Variants in BLK observed in about 807,000 individuals in gnomAD.
The protein encoded by BLK is tyrosine-protein kinase Blk.
A neutral mutation model predicts 61.8 loss-of-function variants in BLK; 64 were observed. The observed-to-expected ratio is 1.03, with a 90% CI of 0.85 to 1.27. The LOEUF (loss-of-function observed/expected upper bound fraction) is 1.27, where lower values mean the gene tolerates loss of function less well. Ranked by LOEUF, BLK falls within the 50% of genes most tolerant of loss-of-function variation. The pLI is 0.00. For missense variants in BLK, 853 were observed against 660.5 expected (o/e 1.29, Z -3.19); for synonymous variants, 351 against 272.0 (o/e 1.29, Z -2.86).
intron 1 of BLK, among the ~76,000 whole-genome samples, chr8:11,516,032 A>G (rs1042039871): frequency 6.6e-6 from 1 of 152,220 alleles, no homozygotes. Flanking sequence ...GCCCAGATGA[A>G]CTGATAAGCA....
intron 1 of BLK, among the ~76,000 whole-genome samples, chr8:11,520,476 C>CAAAAAAAAAAAAAAAAA (rs71203393): frequency 1.4e-5 from 1 of 69,682 alleles, no homozygotes; most frequent in Non-Finnish European, 2.8e-5. Flanking sequence ...GACCTTGTCT[C>CAAAAAAAAAAAAAAAAA]AAAAAAAAAA....
intron 1 of BLK, among the ~76,000 whole-genome samples, chr8:11,496,833 GC>G (rs1296703697): frequency 2.0e-5 from 3 of 152,190 alleles, no homozygotes; most frequent in Non-Finnish European, 4.4e-5. Flanking sequence ...GGGCTCGACA[GC>G]CCTTCCTCGA....
intron 2 of BLK, among the ~76,000 whole-genome samples, chr8:11,543,743 A>G (rs912493201): frequency 1.3e-5 from 2 of 152,178 alleles, no homozygotes; most frequent in Admixed American, 1.3e-4. Flanking sequence ...GATAAGCATC[A>G]TGAAACAGGA....
At chr8:11,560,051 T>C in intron 10 of BLK, 2 of 340,106 alleles carry the variant, frequency 5.9e-6, no homozygotes, top group Non-Finnish European at 1.1e-5. Flanking sequence ...GTACTCAGTT[T>C]TATATTCCCC....
intron 1 of BLK, among the ~76,000 whole-genome samples, chr8:11,508,036 C>G (rs574676745): frequency 1.0e-3 from 155 of 152,282 alleles, no homozygotes; most frequent in African/African-American, 3.5e-3. Context: ...GGGTGCTTCT[C>G]AAACCTAAAG....
Position 11,564,423 on chromosome 8 carries a change from C to G in BLK, c.*315C>G, listed in dbSNP as rs1319378060. On this transcript the variant is annotated 3_prime_UTR_variant, in exon 13 of 13. Coordinates refer to ENST00000259089, the MANE Select transcript of BLK (RefSeq NM_001715.3). ...TAAGCGACTGTCATCAAGTAAGGCC[C>G]CCGTGCTGGGCACCCCCCGTGCTGG... 1 of 598,518 alleles carries G rather than the reference C, an allele frequency of 1.7e-6. No individual in the cohort carries two copies. Among genetic ancestry groups the G allele is most frequent in the Non-Finnish European group, 3.1e-6 (1 of 317,796 alleles). 37.1% of individuals were successfully genotyped at this position (598,518 alleles called of 1,614,324 possible). A position where few individuals can be genotyped will look rare whatever the true frequency, so the allele number is the denominator to read the frequency against.
chr8:11,497,028 G>A (rs1798385611), intron 1 of BLK, among the ~76,000 whole-genome samples: 1 of 152,074 alleles, frequency 6.6e-6, no homozygotes, highest in Non-Finnish European at 1.5e-5. Flanking sequence ...GCAAGACAGA[G>A]AAACCTGGCC....
intron 12 of BLK, 41 bp downstream of exon 12, chr8:11,563,151 C>A: frequency 6.2e-7 from 1 of 1,612,624 alleles, no homozygotes; most frequent in Non-Finnish European, 8.5e-7. Flanking sequence ...CCTGCTTTCC[C>A]GGCCGGCCCT....
chr8:11,537,571 C>A (rs1800184371), intron 1 of BLK, among the ~76,000 whole-genome samples: 1 of 152,178 alleles, frequency 6.6e-6, no homozygotes, highest in Admixed American at 6.5e-5. Flanking sequence ...GCCACAGGTG[C>A]ACCTGTTTTG....
chr8:11,556,146 T>G, intron 8 of BLK: 1 of 225,322 alleles, frequency 4.4e-6, no homozygotes, highest in Non-Finnish European at 8.8e-6. Flanking sequence ...GAAAAGCAAG[T>G]AGAGTTGTCT....
At chr8:11,546,135 C>T in intron 3 of BLK, 32 bp downstream of exon 3, 1 of 1,612,462 alleles carries the variant, frequency 6.2e-7, no homozygotes, top group South Asian at 1.1e-5. Flanking sequence ...GCTGAGGCTC[C>T]ACAGCCCTCT....
At chr8:11,557,811 G>A (rs1465862136) in intron 9 of BLK, 151 bp from the exon 10 acceptor site, 3 of 686,284 alleles carry the variant, frequency 4.4e-6, no homozygotes, top group South Asian at 1.5e-5. Flanking sequence ...CTCGGCAGCA[G>A]TAGGTAGATC....
At chr8:11,523,367 A>T (rs1327931801) in intron 1 of BLK, among the ~76,000 whole-genome samples, 1 of 152,160 alleles carries the variant, frequency 6.6e-6, no homozygotes, top group Non-Finnish European at 1.5e-5. Flanking sequence ...CAGCATGGCG[A>T]ACATGGAGAT....
intron 1 of BLK, among the ~76,000 whole-genome samples, chr8:11,518,645 TCTC>T: frequency 1.3e-5 from 2 of 152,086 alleles, no homozygotes; most frequent in Middle Eastern, 6.8e-3. Context: ...CACCCCACAA[TCTC>T]CTCCACACAA....
At chr8:11,522,655 C>T (rs1288110282) in intron 1 of BLK, among the ~76,000 whole-genome samples, 1 of 147,346 alleles carries the variant, frequency 6.8e-6, no homozygotes, top group Non-Finnish European at 1.5e-5. Flanking sequence ...AGTTTATTCA[C>T]TTAATAGAAA....
intron 1 of BLK, among the ~76,000 whole-genome samples, chr8:11,500,318 C>T (rs1397175066): frequency 6.6e-6 from 1 of 151,996 alleles, no homozygotes; most frequent in Non-Finnish European, 1.5e-5. Context: ...CTCAGCCTCC[C>T]GAGTAGCTAG....
At chr8:11,505,808 G>A (rs148033446) in intron 1 of BLK, among the ~76,000 whole-genome samples, 9 of 152,126 alleles carry the variant, frequency 5.9e-5, no homozygotes, top group Admixed American at 5.2e-4. Flanking sequence ...CTCCAAGCAC[G>A]CTGGGCCCAT....
At chr8:11,535,236 A>G (rs1393736765) in intron 1 of BLK, among the ~76,000 whole-genome samples, 1 of 147,618 alleles carries the variant, frequency 6.8e-6, no homozygotes, top group African/African-American at 2.5e-5. Flanking sequence ...AAAGAAAAAG[A>G]AAAGAAGGAA....
intron 1 of BLK, among the ~76,000 whole-genome samples, chr8:11,533,613 G>GGAGGAGGAGGAA (rs1799988426): frequency 6.9e-6 from 1 of 145,568 alleles, no homozygotes; most frequent in African/African-American, 2.5e-5. Flanking sequence ...AGAAGGAGGA[G>GGAGGAGGAGGAA]GAGAGGAGTA....
Sources: gnomAD v4.1 joint callset for allele counts (sites outside exome capture counted in the v4.1 genomes callset) on GRCh38, gnomAD v4.1.1 for gene constraint, MANE v1.5 for transcripts, NCBI Gene and HGNC (gene_info 2026-07-23, HGNC 2026-07-21) for gene names.